Variants in ASB5 observed in about 807,000 individuals in gnomAD.
ASB5 encodes ankyrin repeat and SOCS box protein 5.
Under a neutral mutation model 42.1 loss-of-function variants are expected in ASB5, and 45 were observed. That is an observed-to-expected ratio of 1.07 (90% CI 0.84 to 1.37). The LOEUF is 1.37. Among genes scored for constraint, ASB5 ranks in the 40% most tolerant of loss-of-function variants. ASB5 has a pLI of 0.00. For missense variants in ASB5, 402 were observed against 399.8 expected, an observed-to-expected ratio of 1.01 and a Z score of -0.05; for synonymous variants, 147 against 150.6, an observed-to-expected ratio of 0.98 and a Z score of 0.18.
At chr4:176,225,792 G>A (rs1753361216) in intron 1 of ASB5, among the ~76,000 whole-genome samples, 1 of 152,108 alleles carries the variant, frequency 6.6e-6, no homozygotes, top group Non-Finnish European at 1.5e-5. Context: ...GTTTCACCAT[G>A]TTGGCCAGGC....
chr4:176,237,438 T>A (rs749650963), intron 1 of ASB5: 241 of 985,802 alleles, frequency 2.4e-4, no homozygotes, highest in Non-Finnish European at 2.8e-4. Flanking sequence ...ACGTTTTTTG[T>A]CTGTGACAAC....
chr4:176,261,195 C>T (rs918152649), intron 1 of ASB5, among the ~76,000 whole-genome samples: 2 of 152,096 alleles, frequency 1.3e-5, no homozygotes, highest in African/African-American at 4.8e-5. Flanking sequence ...CACAGAATTA[C>T]CATGGAACCA....
At chr4:176,240,096 A>G (rs1753780010) in intron 1 of ASB5, among the ~76,000 whole-genome samples, 1 of 152,178 alleles carries the variant, frequency 6.6e-6, no homozygotes, top group Admixed American at 6.5e-5. Context: ...CCTGTAAGAG[A>G]GCACTGTGAA....
At position 176,221,749 on chromosome 4, in the gene ASB5, GCA is replaced by G. The variant is rs1753219499; in HGVS notation, c.385-151_385-150del. The G allele has an allele frequency of 4.2e-6, 3 of 708,570 alleles. No homozygotes were observed. In the African/African-American group the frequency reaches 5.4e-5, roughly 13 times the overall value. The allele number at this position is 708,570 out of a possible 1,614,324, so 43.9% of individuals were successfully genotyped here. A position where few individuals can be genotyped will look rare whatever the true frequency, so the allele number is the denominator to read the frequency against. ...ATGACAAAGTATACTTTGCTCTTAT[GCA>G]TTAACAAGAAAAGCTGTAAAACAGA... On this transcript the variant is annotated intron_variant, in intron 3 of 6. Coordinates refer to ENST00000296525, the MANE Select transcript of ASB5 (RefSeq NM_080874.4).
In ASB5 at chr4:176,216,777, T is replaced by C. The variant is rs1271124700; in HGVS notation, c.862+41A>G. On this transcript the variant is annotated intron_variant, in intron 6 of 6. Coordinates refer to ENST00000296525, the MANE Select transcript of ASB5 (RefSeq NM_080874.4). ...CTCACTTTCATCTATTTTAGGCAAA[T>C]ATATTTTGTTTTTGTAAGTTTCCAC... 4.7e-6 allele frequency: 7 copies of C among 1,480,786 alleles called. No individual in the cohort carries two copies. The African/African-American group carries it at 9.9e-5, about 21-fold the overall frequency. 91.7% of individuals were successfully genotyped at this position (1,480,786 alleles called of 1,614,324 possible).
intron 1 of ASB5, among the ~76,000 whole-genome samples, chr4:176,250,460 G>A (rs183465636): frequency 1.3e-5 from 2 of 152,250 alleles, no homozygotes; most frequent in Admixed American, 6.5e-5. Context: ...GCAAAGTGTG[G>A]GCTGTCTCCC....
intron 1 of ASB5, among the ~76,000 whole-genome samples, chr4:176,260,642 ATGTTT>A (rs1754246573): frequency 6.6e-6 from 1 of 152,036 alleles, no homozygotes; most frequent in South Asian, 2.1e-4. Flanking sequence ...GCAGCTGATA[ATGTTT>A]TGTTTTGTTG....
intron 1 of ASB5, among the ~76,000 whole-genome samples, chr4:176,262,302 T>C (rs1215360095): frequency 1.3e-5 from 2 of 152,232 alleles, no homozygotes; most frequent in African/African-American, 4.8e-5. Flanking sequence ...AGCATACTTG[T>C]GTCCTTCCTA....
intron 1 of ASB5, among the ~76,000 whole-genome samples, chr4:176,227,539 C>T (rs1325154505): frequency 6.6e-6 from 1 of 152,214 alleles, no homozygotes; most frequent in East Asian, 1.9e-4. Context: ...ACACAGTCCT[C>T]ACCATATGCC....
rs1287114814 is a variant in ASB5, at chr4:176,221,472, T to C, written c.513A>G (p.Pro171=). The change falls in exon 4 of 7, where the codon CCA becomes CCG. Residue 171 remains proline, a synonymous_variant. Transcript: ENST00000296525. ...KAQLESCLPS[P]THEAASKGHH... ...TACCTTTACTGGCGGCCTCATGCGT[T>C]GGGGATGGAAGACATGACTCCAGCT... 6.2e-7 allele frequency: 1 copy of C among 1,613,826 alleles called. No individual in the cohort carries two copies.
intron 1 of ASB5, chr4:176,237,425 T>C: frequency 1.0e-6 from 1 of 985,934 alleles, no homozygotes; most frequent in Non-Finnish European, 1.2e-6. Flanking sequence ...CATAGTTTGG[T>C]TGACGTTTTT....
At chr4:176,230,322 T>C (rs1753502285) in intron 1 of ASB5, among the ~76,000 whole-genome samples, 1 of 152,196 alleles carries the variant, frequency 6.6e-6, no homozygotes, top group South Asian at 2.1e-4. Context: ...TTTTGTGTGC[T>C]GTCACCTTAA....
In ASB5 at chr4:176,216,881, G is replaced by A; in HGVS notation, c.799C>T (p.Leu267=). 1 of 1,613,938 alleles carries A rather than the reference G, an allele frequency of 6.2e-7. No individual in the cohort carries two copies. The highest frequency in any genetic ancestry group is 8.5e-7 in the Non-Finnish European group (1 of 1,179,972). ...GACGTAGCTACATCTATAGGTCGCAGAAGCTCTGTATTTTTGGCATTGATA... is the reference window on the plus strand; with the variant it reads ...GACGTAGCTACATCTATAGGTCGCAAAAGCTCTGTATTTTTGGCATTGATA... ...ADINAKNTEL[L]RPIDVATSSS... Residue 267 remains leucine, a synonymous_variant, in exon 6 of 7, where the codon CTG becomes TTG. Transcript: ENST00000296525.
intron 1 of ASB5, among the ~76,000 whole-genome samples, chr4:176,244,130 A>T (rs2126965209): frequency 6.6e-6 from 1 of 152,124 alleles, no homozygotes. Context: ...GTTCTTTTAA[A>T]TTTTTTTATA....
intron 1 of ASB5, among the ~76,000 whole-genome samples, chr4:176,276,952 T>C (rs886489562): frequency 1.3e-5 from 2 of 152,048 alleles, no homozygotes; most frequent in African/African-American, 4.8e-5. Flanking sequence ...CAGAAAGTGG[T>C]AGGCAGGCAG....
At chr4:176,248,444 A>G (rs1753953846) in intron 1 of ASB5, among the ~76,000 whole-genome samples, 1 of 152,204 alleles carries the variant, frequency 6.6e-6, no homozygotes. Context: ...TATTAAGAGT[A>G]CTGACAATAT....
chr4:176,266,969 A>C (rs1754369482), intron 1 of ASB5, among the ~76,000 whole-genome samples: 1 of 152,156 alleles, frequency 6.6e-6, no homozygotes, highest in African/African-American at 2.4e-5. Flanking sequence ...AAGTCTAATG[A>C]GGGGATGAGT....
chr4:176,240,416 C>A (rs1408730761), intron 1 of ASB5, among the ~76,000 whole-genome samples: 2 of 152,118 alleles, frequency 1.3e-5, no homozygotes, highest in East Asian at 3.9e-4. Context: ...ACATGGGGAC[C>A]TGTGTCTGGT....
chr4:176,248,330 G>A (rs62341400), intron 1 of ASB5, among the ~76,000 whole-genome samples: 1,767 of 152,122 alleles, frequency 0.012, 14 homozygotes, highest in Non-Finnish European at 0.017. Flanking sequence ...GTTTTGCCAC[G>A]TTGCCCAAGC....
Sources: gnomAD v4.1 joint callset for allele counts (sites outside exome capture counted in the v4.1 genomes callset) on GRCh38, gnomAD v4.1.1 for gene constraint, MANE v1.5 for transcripts, NCBI Gene and HGNC (gene_info 2026-07-23, HGNC 2026-07-21) for gene names.